The following SPATA6L variants were observed in gnomAD, a reference collection of about 807,000 sequenced individuals.
SPATA6L encodes spermatogenesis associated 6-like protein.
A neutral mutation model predicts 49.2 loss-of-function variants in SPATA6L; 68 were observed. That is an observed-to-expected ratio of 1.38 (90% confidence interval 1.14 to 1.69). The LOEUF (loss-of-function observed/expected upper bound fraction) is 1.69. Ranked by LOEUF, SPATA6L falls within the 40% of genes most tolerant of loss-of-function variation. SPATA6L has a pLI of 0.00. For synonymous variants in SPATA6L, 198 were observed against 165.7 expected (o/e 1.19, Z -1.50); for missense variants, 668 against 464.3 (o/e 1.44, Z -4.03).
Position 4,656,055 on chromosome 9 carries a change from A to C in SPATA6L, c.212T>G (p.Val71Gly). 4 of 1,612,908 alleles carry C rather than the reference A, an allele frequency of 2.5e-6. No homozygotes were observed. In the South Asian group the frequency reaches 3.3e-5, roughly 13 times the overall value. The change falls in exon 3 of 12, where the codon GTA becomes GGA. Residue 71 changes from valine (V) to glycine (G), a missense_variant. Physicochemically the swap from Val to Gly is moderately radical, Grantham distance 109. Coordinates refer to ENST00000682582, the MANE Select transcript of SPATA6L (RefSeq NM_001353486.2). ...AGAGTACCTACTTTCCAAAAGGTCT[A>C]CTACAGCTCCAGGATCTACTGCACT... Reference protein sequence around the residue: ...FESAVDPGAVVDLLEMWDELA... With the variant: ...FESAVDPGAVGDLLEMWDELA...
At chr9:4,615,199 C>T (rs983461942) in intron 9 of SPATA6L, among the ~76,000 whole-genome samples, 1 of 152,232 alleles carries the variant, frequency 6.6e-6, no homozygotes, top group African/African-American at 2.4e-5. Context: ...CTTCTTTATA[C>T]TCCAGTAACT....
At chr9:4,630,687 C>T (rs1348936151) in intron 4 of SPATA6L, among the ~76,000 whole-genome samples, 2 of 152,230 alleles carry the variant, frequency 1.3e-5, no homozygotes, top group African/African-American at 4.8e-5. Context: ...GCTTCCAAAA[C>T]AAGGTTTGCC....
At position 4,598,748 on chromosome 9, in the gene SPATA6L, T is replaced by G. The variant is rs4742013; in HGVS notation, c.*2063A>C. 6.6e-6 allele frequency among the ~76,000 whole-genome samples: 1 copy of G among 152,204 alleles called. No homozygotes were observed. Among genetic ancestry groups the G allele is most frequent in the Non-Finnish European group, 1.5e-5 (1 of 68,032 alleles). On this transcript the variant is annotated 3_prime_UTR_variant, in exon 12 of 12. Coordinates refer to ENST00000682582, the MANE Select transcript of SPATA6L (RefSeq NM_001353486.2). ...GTAAGCAGCCCTCTCCTGAGACTTA[T>G]AGCGTAACCTTAATGTAACACAATA...
At chr9:4,613,893 A>G (rs1456912703) in intron 9 of SPATA6L, among the ~76,000 whole-genome samples, 1 of 152,114 alleles carries the variant, frequency 6.6e-6, no homozygotes, top group African/African-American at 2.4e-5. Flanking sequence ...CTTCTCTAAG[A>G]ATGTTTAGGA....
intron 2 of SPATA6L, among the ~76,000 whole-genome samples, chr9:4,660,556 A>G (rs1839391406): frequency 6.6e-6 from 1 of 152,258 alleles, no homozygotes; most frequent in South Asian, 2.1e-4. Flanking sequence ...AATGTGGAGA[A>G]ACAGGAACAC....
At chr9:4,624,971 A>T (rs1189606991) in intron 6 of SPATA6L, among the ~76,000 whole-genome samples, 1 of 152,204 alleles carries the variant, frequency 6.6e-6, no homozygotes, top group Non-Finnish European at 1.5e-5. Flanking sequence ...TTTTGGATTG[A>T]TATAGAGTGT....
chr9:4,628,072 A>C (rs965813884), intron 5 of SPATA6L: 12 of 331,640 alleles, frequency 3.6e-5, no homozygotes, highest in African/African-American at 2.7e-4. Context: ...TCATGGAGAC[A>C]GAGAGTAGAA....
At chr9:4,594,377 C>CT (rs952387849), downstream of SPATA6L, among the ~76,000 whole-genome samples, 5 of 151,978 alleles carry the variant, frequency 3.3e-5, no homozygotes, top group African/African-American at 7.2e-5. Flanking sequence ...GCCTGGCTAA[C>CT]TTTTTTTGTA....
At chr9:4,590,161 T>G (rs1345313559) in intron 13 of SPATA6L, among the ~76,000 whole-genome samples, 1 of 152,150 alleles carries the variant, frequency 6.6e-6, no homozygotes, top group Non-Finnish European at 1.5e-5. Flanking sequence ...TGACCTCAGG[T>G]GATCTGCCTG....
In SPATA6L at chr9:4,662,329, CCT is replaced by C. The variant is rs747898880; in HGVS notation, c.40-295_40-294del. 859 of 1,456,842 alleles carry C rather than the reference CCT, an allele frequency of 5.9e-4. 1 individual carries two copies. The highest frequency in any genetic ancestry group is 5.0e-4 in the Middle Eastern group (2 of 3,988). The allele number at this position is 1,456,842 out of a possible 1,614,324, so 90.2% of individuals were successfully genotyped here. A position where few individuals can be genotyped will look rare whatever the true frequency, so the allele number is the denominator to read the frequency against. ...CGGAAGAGGCTGCAGGGCCGGGAAG[CCT>C]CTGTTTGGTCCGGCCAGGTCCCGGG... On this transcript the variant is annotated intron_variant, in intron 1 of 11. Coordinates refer to ENST00000682582, the MANE Select transcript of SPATA6L (RefSeq NM_001353486.2). This position sits in a 1 kb window ranked among gnomAD's most constrained non-coding sequence, Gnocchi z 4.9.
At chr9:4,666,154 C>T (rs746613632) in intron 1 of SPATA6L, 58 bp downstream of exon 1, 79 of 1,572,398 alleles carry the variant, frequency 5.0e-5, no homozygotes, top group Non-Finnish European at 6.6e-5. Flanking sequence ...TGAAAACCAC[C>T]TGAGACTATT....
chr9:4,627,048 A>C (rs2130472052), intron 5 of SPATA6L: 1 of 152,480 alleles, frequency 6.6e-6, no homozygotes, highest in East Asian at 1.9e-4. Flanking sequence ...TTCTAACATA[A>C]AGTGATACTT....
chr9:4,638,073 G>A (rs1360990442), intron 3 of SPATA6L, among the ~76,000 whole-genome samples: 9 of 152,072 alleles, frequency 5.9e-5, no homozygotes, highest in African/African-American at 2.2e-4. Context: ...ATGCCCTCCA[G>A]GAGCTTACAG....
At chr9:4,606,195 A>C (rs1824904207) in intron 9 of SPATA6L, among the ~76,000 whole-genome samples, 1 of 150,904 alleles carries the variant, frequency 6.6e-6, no homozygotes, top group Non-Finnish European at 1.5e-5. Context: ...CTGAGATCAA[A>C]CTGCAAGGCG....
At chr9:4,661,443 A>G (rs936457529) in intron 2 of SPATA6L, among the ~76,000 whole-genome samples, 1 of 149,704 alleles carries the variant, frequency 6.7e-6, no homozygotes, top group African/African-American at 2.5e-5. Flanking sequence ...TGATCTGAGG[A>G]AACAGTAAAT....
intron 9 of SPATA6L, among the ~76,000 whole-genome samples, chr9:4,614,779 A>G (rs1485803907): frequency 6.6e-6 from 1 of 152,134 alleles, no homozygotes; most frequent in African/African-American, 2.4e-5. Context: ...TCATGGCCTT[A>G]TTTACAAACT....
intron 1 of SPATA6L, chr9:4,663,470 A>G (rs1840352680): frequency 1.8e-6 from 1 of 558,770 alleles, no homozygotes; most frequent in Non-Finnish European, 3.2e-6. Flanking sequence ...AAGCAAAAAA[A>G]CCCAAAAAAT....
intron 3 of SPATA6L, among the ~76,000 whole-genome samples, chr9:4,648,495 C>G (rs923291866): frequency 1.3e-5 from 2 of 149,900 alleles, no homozygotes; most frequent in East Asian, 2.1e-4. Flanking sequence ...GTCAGGAGAT[C>G]GAGACCATCC....
intron 2 of SPATA6L, among the ~76,000 whole-genome samples, chr9:4,656,441 A>AAAGGAAGAAAGGAAGGAAGG (rs1294326075): frequency 1.8e-4 from 20 of 113,990 alleles, no homozygotes; most frequent in East Asian, 3.0e-4. Flanking sequence ...CCTGTGAAAG[A>AAAGGAAGAAAGGAAGGAAGG]AAGGAAGGAA....
Sources: gnomAD v4.1 joint callset for allele counts (sites outside exome capture counted in the v4.1 genomes callset) on GRCh38, gnomAD v4.1.1 for gene constraint, Gnocchi (gnomAD v3.1) non-coding constraint, MANE v1.5 for transcripts, NCBI Gene and HGNC (gene_info 2026-07-23, HGNC 2026-07-21) for gene names.